Variants in PLXDC2 observed in about 807,000 individuals in gnomAD.
PLXDC2 encodes the protein plexin domain-containing protein 2.
Under a neutral mutation model 68.9 loss-of-function variants are expected in PLXDC2, and 40 were observed. That is an observed-to-expected ratio of 0.58 (90% CI 0.45 to 0.76). The LOEUF (loss-of-function observed/expected upper bound fraction) is 0.76. PLXDC2 is among the 30% of genes least tolerant of loss of function. The pLI, the probability that PLXDC2 is intolerant of heterozygous loss-of-function variation, is 0.00. For missense variants in PLXDC2, 644 were observed against 661.9 expected (o/e 0.97, Z 0.30); for synonymous variants, 243 against 234.2 (o/e 1.04, Z -0.34).
intron 4 of PLXDC2, among the ~76,000 whole-genome samples, chr10:20,078,815 T>C (rs2131718423): frequency 6.6e-6 from 1 of 152,292 alleles, no homozygotes; most frequent in South Asian, 2.1e-4. Flanking sequence ...TTTGTCAGAG[T>C]TTATTTCTCC....
chr10:19,966,747 T>C (rs1487382564), intron 1 of PLXDC2, among the ~76,000 whole-genome samples: 2 of 152,112 alleles, frequency 1.3e-5, no homozygotes, highest in Admixed American at 6.5e-5. Flanking sequence ...ACATTCCCAC[T>C]GTGCTGAGAG....
intron 12 of PLXDC2, among the ~76,000 whole-genome samples, chr10:20,228,898 G>A (rs570735737): frequency 5.3e-5 from 8 of 152,284 alleles, no homozygotes; most frequent in African/African-American, 1.9e-4. Context: ...GACCATGAGA[G>A]TTGGTGGCAT....
chr10:19,962,712 G>A (rs1294013470), intron 1 of PLXDC2, among the ~76,000 whole-genome samples: 4 of 146,852 alleles, frequency 2.7e-5, no homozygotes, highest in Non-Finnish European at 6.0e-5. Context: ...CTTATAAATT[G>A]CAGTGGCTCA....
chr10:20,040,403 T>C (rs1589600327), intron 2 of PLXDC2, among the ~76,000 whole-genome samples: 2 of 152,180 alleles, frequency 1.3e-5, no homozygotes, highest in African/African-American at 4.8e-5. Flanking sequence ...GCTAATACCA[T>C]TTTTTGTACA....
chr10:19,894,344 C>T (rs1157541522), intron 1 of PLXDC2, among the ~76,000 whole-genome samples: 2 of 151,340 alleles, frequency 1.3e-5, no homozygotes, highest in African/African-American at 4.9e-5. Flanking sequence ...TATGACATAC[C>T]GTAAAATTCT....
At chr10:20,276,230 G>A (rs988037252) in intron 13 of PLXDC2, among the ~76,000 whole-genome samples, 1 of 152,010 alleles carries the variant, frequency 6.6e-6, no homozygotes, top group African/African-American at 2.4e-5. Flanking sequence ...CCTTTCAAGG[G>A]CTCATCTAAC....
intron 13 of PLXDC2, among the ~76,000 whole-genome samples, chr10:20,270,871 T>C (rs535306727): frequency 1.9e-3 from 283 of 151,592 alleles, no homozygotes; most frequent in African/African-American, 5.2e-3. Flanking sequence ...AGGCTTAGTT[T>C]AGGAAGGAAA....
At chr10:19,932,004 T>C (rs1833644289) in intron 1 of PLXDC2, among the ~76,000 whole-genome samples, 1 of 146,732 alleles carries the variant, frequency 6.8e-6, no homozygotes, top group South Asian at 2.1e-4. Context: ...TGAAATCTTA[T>C]AAAAACTTCC....
chr10:20,243,254 T>A (rs954774394), intron 12 of PLXDC2, among the ~76,000 whole-genome samples: 1 of 152,208 alleles, frequency 6.6e-6, no homozygotes, highest in African/African-American at 2.4e-5. Context: ...GCTCATTTTT[T>A]AATTATCCTG....
chr10:20,222,813 C>A (rs1478872787), intron 12 of PLXDC2, among the ~76,000 whole-genome samples: 1 of 151,702 alleles, frequency 6.6e-6, no homozygotes, highest in African/African-American at 2.4e-5. Context: ...CATAGCAAGA[C>A]CCTGTCCTTA....
chr10:19,832,791 G>A (rs551205351), intron 1 of PLXDC2, among the ~76,000 whole-genome samples: 81 of 152,292 alleles, frequency 5.3e-4, no homozygotes, highest in East Asian at 3.3e-3. Flanking sequence ...GAAGAGTCCC[G>A]CGGAGGTGTG....
intron 1 of PLXDC2, among the ~76,000 whole-genome samples, chr10:19,911,348 T>G (rs1261847091): frequency 6.6e-6 from 1 of 152,122 alleles, no homozygotes; most frequent in African/African-American, 2.4e-5. Context: ...ACACATAACT[T>G]TAAATACTGA....
Position 20,026,392 on chromosome 10 carries a change from C to A in PLXDC2, c.325-20477C>A, listed in dbSNP as rs149588692. 7.2e-5 allele frequency among the ~76,000 whole-genome samples: 11 copies of A among 152,220 alleles called. No individual in the cohort carries two copies. The East Asian group carries it at 2.1e-3, about 29-fold the overall frequency. Reference sequence around the variant, plus strand: ...AATATTCTCCTTCTGTGAGTCTCCCCCTAAGGGTATCAAATACCAATAAGA... The same window carrying A: ...AATATTCTCCTTCTGTGAGTCTCCCACTAAGGGTATCAAATACCAATAAGA... On this transcript the variant is annotated intron_variant, in intron 2 of 13. Transcript: ENST00000377252.
chr10:20,106,566 G>A (rs2460578), intron 4 of PLXDC2, among the ~76,000 whole-genome samples: 1 of 152,008 alleles, frequency 6.6e-6, no homozygotes, highest in Non-Finnish European at 1.5e-5. Context: ...ATATGGGATT[G>A]TGCATGTGGG....
intron 9 of PLXDC2, among the ~76,000 whole-genome samples, chr10:20,185,756 A>C (rs1444484592): frequency 1.3e-5 from 2 of 151,990 alleles, no homozygotes; most frequent in African/African-American, 4.8e-5. Context: ...AACTCACTTT[A>C]GTGATTAGTT....
intron 2 of PLXDC2, among the ~76,000 whole-genome samples, chr10:20,002,694 T>A (rs193179970): frequency 1.1e-4 from 17 of 152,258 alleles, no homozygotes; most frequent in Admixed American, 9.8e-4. Context: ...TGGGGTGTTG[T>A]CAAAGAGGCT....
At chr10:19,937,437 C>A (rs1313017976) in intron 1 of PLXDC2, among the ~76,000 whole-genome samples, 1 of 151,462 alleles carries the variant, frequency 6.6e-6, no homozygotes, top group African/African-American at 2.4e-5. Flanking sequence ...TCTTTCCTAA[C>A]CCCTGCTGGC....
chr10:20,159,756 C>G (rs566410432), intron 6 of PLXDC2, among the ~76,000 whole-genome samples: 1 of 152,288 alleles, frequency 6.6e-6, no homozygotes, highest in East Asian at 1.9e-4. Context: ...TAGAGACAAC[C>G]TTTTAACTCC....
chr10:20,003,910 G>A (rs1015435308), intron 2 of PLXDC2, among the ~76,000 whole-genome samples: 11 of 152,252 alleles, frequency 7.2e-5, no homozygotes, highest in African/African-American at 2.4e-4. Flanking sequence ...TGCTGGAGAG[G>A]TTGCATCAGA....
Sources: gnomAD v4.1 joint callset for allele counts (sites outside exome capture counted in the v4.1 genomes callset) on GRCh38, gnomAD v4.1.1 for gene constraint, MANE v1.5 for transcripts, NCBI Gene and HGNC (gene_info 2026-07-23, HGNC 2026-07-21) for gene names.